Variants in GABARAPL1 observed in about 807,000 individuals in gnomAD.
GABARAPL1 encodes the protein gamma-aminobutyric acid receptor-associated protein-like 1.
Under a neutral mutation model 14.5 loss-of-function variants are expected in GABARAPL1, and 4 were observed. The ratio of observed to expected loss-of-function variants is 0.28; its 90% CI spans 0.14 to 0.63. The LOEUF is 0.63. Among genes scored for constraint, GABARAPL1 ranks in the 30% least tolerant of loss-of-function variants. The pLI, the probability that GABARAPL1 is intolerant of heterozygous loss-of-function variation, is 0.84. For missense variants in GABARAPL1, 82 were observed against 139.2 expected, an observed-to-expected ratio of 0.59 and a Z score of 2.07; for synonymous variants, 47 against 50.6, an observed-to-expected ratio of 0.93 and a Z score of 0.30.
In GABARAPL1 at chr12:10,213,116, C is replaced by G; in HGVS notation, c.-14C>G. On this transcript the variant is annotated 5_prime_UTR_variant, in exon 1 of 4. Transcript: ENST00000266458. ...AGGCCCCGCGCGGGGATCTCGGAAG[C>G]CCTGCGGTGCATCATGAAGTTCCAG... 1.3e-6 allele frequency: 2 copies of G among 1,546,414 alleles called. No individual in the cohort carries two copies. Among genetic ancestry groups the G allele is most frequent in the Non-Finnish European group, 1.8e-6 (2 of 1,132,974 alleles).
rs1423284966 is a variant in GABARAPL1 at position 10,212,879 on chromosome 12, T to G, written c.-251T>G. 5.5e-5 allele frequency: 20 copies of G among 364,428 alleles called. No homozygotes were observed. The highest frequency in any genetic ancestry group is 1.1e-4 in the East Asian group (2 of 17,506). 22.6% of individuals were successfully genotyped at this position (364,428 alleles called of 1,614,324 possible). On this transcript the variant is annotated 5_prime_UTR_variant, in exon 1 of 4. Transcript: ENST00000266458. The stretch of plus-strand genomic sequence containing the variant: ...ACAGCCCGACGCGCCACCCAGCTGT[T>G]TTTGTGCTCCCAGCTCTAGCGAAAA...
intron 2 of GABARAPL1, among the ~76,000 whole-genome samples, chr12:10,219,329 A>AC (rs1565437591): frequency 4.7e-5 from 5 of 105,548 alleles, no homozygotes; most frequent in African/African-American, 1.4e-4. Flanking sequence ...AAAAAAACAA[A>AC]AAACAAAAAA....
intron 2 of GABARAPL1, among the ~76,000 whole-genome samples, chr12:10,219,510 A>G (rs1949108898): frequency 6.6e-6 from 1 of 152,054 alleles, no homozygotes; most frequent in South Asian, 2.1e-4. Context: ...ATTATAAGAC[A>G]TATATTCATT....
At chr12:10,218,617 T>C (rs1949103419) in intron 2 of GABARAPL1, among the ~76,000 whole-genome samples, 1 of 152,052 alleles carries the variant, frequency 6.6e-6, no homozygotes, top group Non-Finnish European at 1.5e-5. Flanking sequence ...CCATGTCTTG[T>C]TGGATTTTGA....
chr12:10,214,220 G>C (rs532422794), intron 1 of GABARAPL1: 40 of 184,802 alleles, frequency 2.2e-4, no homozygotes, highest in African/African-American at 7.0e-4. Context: ...TCACATAATG[G>C]TAAAATAATT....
At chr12:10,220,836 G>A in intron 3 of GABARAPL1, 1 of 1,417,462 alleles carries the variant, frequency 7.1e-7, no homozygotes, top group Admixed American at 2.9e-5. Context: ...TATTGAAACA[G>A]CAGGAAGTGA....
In GABARAPL1 at chr12:10,212,884, T is replaced by C; in HGVS notation, c.-246T>C. 4.9e-6 allele frequency: 2 copies of C among 407,716 alleles called. No individual in the cohort carries two copies. The highest frequency in any genetic ancestry group is 9.0e-6 in the Non-Finnish European group (2 of 223,358). 25.3% of individuals were successfully genotyped at this position (407,716 alleles called of 1,614,324 possible). A position where few individuals can be genotyped will look rare whatever the true frequency, so the allele number is the denominator to read the frequency against. ...CCGACGCGCCACCCAGCTGTTTTTGTGCTCCCAGCTCTAGCGAAAAGCCGC... is the reference window on the plus strand; with the variant it reads ...CCGACGCGCCACCCAGCTGTTTTTGCGCTCCCAGCTCTAGCGAAAAGCCGC... On this transcript the variant is annotated 5_prime_UTR_variant, in exon 1 of 4. Coordinates refer to ENST00000266458, the MANE Select transcript of GABARAPL1 (RefSeq NM_031412.4).
intron 1 of GABARAPL1, among the ~76,000 whole-genome samples, chr12:10,216,742 G>C (rs1949092446): frequency 6.6e-6 from 1 of 151,838 alleles, no homozygotes; most frequent in Admixed American, 6.6e-5. Context: ...GTTTCTCTAT[G>C]TTGGTCAGGC....
chr12:10,214,400 C>A (rs115702318), intron 1 of GABARAPL1: 1 of 152,382 alleles, frequency 6.6e-6, no homozygotes, highest in African/African-American at 2.4e-5. Context: ...CATTAGGGCT[C>A]TTCATTCCCC....
intron 1 of GABARAPL1, among the ~76,000 whole-genome samples, chr12:10,217,546 A>G (rs1198007737): frequency 6.6e-6 from 1 of 152,166 alleles, no homozygotes; most frequent in African/African-American, 2.4e-5. Flanking sequence ...AGCCTGCCCA[A>G]CATGGTGAAA....
chr12:10,219,675 C>G (rs1949110125), intron 2 of GABARAPL1, among the ~76,000 whole-genome samples: 1 of 152,114 alleles, frequency 6.6e-6, no homozygotes, highest in Non-Finnish European at 1.5e-5. Context: ...TGGCGCGTGC[C>G]TGTAATCCCA....
chr12:10,221,925 G>T lies in GABARAPL1; in HGVS notation c.*73G>T. The T allele has an allele frequency of 7.2e-7, 1 of 1,382,396 alleles. No individual in the cohort carries two copies. The highest frequency in any genetic ancestry group is 1.2e-5 in the South Asian group (1 of 85,220). 85.6% of individuals were successfully genotyped at this position (1,382,396 alleles called of 1,614,324 possible). A position where few individuals can be genotyped will look rare whatever the true frequency, so the allele number is the denominator to read the frequency against. On this transcript the variant is annotated 3_prime_UTR_variant, in exon 4 of 4. Transcript: ENST00000266458. ...GAGGGGTGTGTGTGCGCGACATGGGGAAAGAGGGTGGCTCCCACCGCAAGG... is the reference window on the plus strand; with the variant it reads ...GAGGGGTGTGTGTGCGCGACATGGGTAAAGAGGGTGGCTCCCACCGCAAGG...
rs777401178 is a variant in GABARAPL1, at chr12:10,221,849, A to G, written c.351A>G (p.Lys117=). The part of the protein sequence containing the change: ...VAYSDESVYG[K] ...ACAGTGATGAGAGTGTCTATGGGAA[A>G]TGAGTGGTTGGAAGCCCAGCAGATG... Residue 117 remains lysine, a synonymous_variant, in exon 4 of 4, where the codon AAA becomes AAG. Transcript: ENST00000266458. The G allele has an allele frequency of 6.2e-6, 10 of 1,613,866 alleles. No homozygotes were observed. In the Admixed American group the frequency reaches 8.3e-5, roughly 13 times the overall value.
chr12:10,213,072 G>A lies in GABARAPL1; in HGVS notation c.-58G>A. ...GACGTCGGCTGAGGGAGCGGGACAG[G>A]GTCAGCGGCGAAGGAGGCAGGCCCC... On this transcript the variant is annotated 5_prime_UTR_variant, in exon 1 of 4. Transcript: ENST00000266458. 1.9e-6 allele frequency: 2 copies of A among 1,046,920 alleles called. No homozygotes were observed. The highest frequency in any genetic ancestry group is 2.9e-6 in the Non-Finnish European group (2 of 683,460). The allele number at this position is 1,046,920 out of a possible 1,614,324, so 64.9% of individuals were successfully genotyped here. A position where few individuals can be genotyped will look rare whatever the true frequency, so the allele number is the denominator to read the frequency against.
At chr12:10,220,996 G>A (rs2137592002) in intron 3 of GABARAPL1, 2 of 985,410 alleles carry the variant, frequency 2.0e-6, no homozygotes, top group Non-Finnish European at 2.4e-6. Flanking sequence ...AGTAAAGCCA[G>A]CTCCTTCTAA....
chr12:10,214,057 G>C (rs1949073968), intron 1 of GABARAPL1: 1 of 342,090 alleles, frequency 2.9e-6, no homozygotes, highest in Admixed American at 3.5e-5. Context: ...CACTTGCCTG[G>C]TGTTTCTCTA....
At chr12:10,219,082 G>A (rs867551173) in intron 2 of GABARAPL1, among the ~76,000 whole-genome samples, 4 of 152,054 alleles carry the variant, frequency 2.6e-5, no homozygotes, top group Middle Eastern at 3.4e-3. Flanking sequence ...ACTTTGGGAC[G>A]GGGATGTGGG....
chr12:10,213,637 A>T, intron 1 of GABARAPL1: 1 of 346,720 alleles, frequency 2.9e-6, no homozygotes, highest in East Asian at 7.5e-5. Context: ...GCGCAAACCC[A>T]GTCGATTTCT....
In GABARAPL1 at chr12:10,218,078, G is replaced by A. The variant is rs368217880; in HGVS notation, c.106G>A (p.Ala36Thr). The change falls in exon 2 of 4, where the codon GCT becomes ACT. Residue 36 changes from alanine to threonine, a missense_variant. This residue lies in a region of GABARAPL1 where 65 missense variants were observed against 103.7 expected (regional missense o/e 0.63). Transcript: ENST00000266458. ...CTTCTTCCAGGTGATTGTAGAGAAG[G>A]CTCCAAAAGCCAGGGTGCCTGATCT... is the stretch of plus-strand genomic sequence containing the variant. ...PDRVPVIVEK[A>T]PKARVPDLDK... 1 of 1,603,352 alleles carries A rather than the reference G, an allele frequency of 6.2e-7. No individual in the cohort carries two copies. The highest frequency in any genetic ancestry group is 1.1e-5 in the South Asian group (1 of 90,854).
Sources: gnomAD v4.1 joint callset for allele counts (sites outside exome capture counted in the v4.1 genomes callset) on GRCh38, gnomAD v4.1.1 for gene constraint, gnomAD v4.1.1 regional missense constraint, MANE v1.5 for transcripts, NCBI Gene and HGNC (gene_info 2026-07-23, HGNC 2026-07-21) for gene names.